The following POU6F2 variants were observed in gnomAD, a reference collection of about 807,000 sequenced individuals.
POU6F2 encodes the protein POU domain, class 6, transcription factor 2.
In POU6F2, 31 loss-of-function variants were observed where a neutral mutation model predicts 71.3. The observed-to-expected ratio is 0.43, with a 90% CI of 0.33 to 0.59. The LOEUF is 0.59. Among genes scored for constraint, POU6F2 ranks in the 20% least tolerant of loss-of-function variants. The pLI is 0.04. For missense variants in POU6F2, 783 were observed against 856.8 expected (o/e 0.91, Z 1.07); for synonymous variants, 347 against 355.7 (o/e 0.98, Z 0.27).
chr7:39,111,641 GCAGA>G (rs1791816407), intron 2 of POU6F2, among the ~76,000 whole-genome samples: 1 of 152,058 alleles, frequency 6.6e-6, no homozygotes, highest in Admixed American at 6.6e-5. Flanking sequence ...AGAGATATAG[GCAGA>G]CAGACAAAAT....
At chr7:39,160,823 G>A (rs543511724) in intron 2 of POU6F2, among the ~76,000 whole-genome samples, 1 of 152,278 alleles carries the variant, frequency 6.6e-6, no homozygotes, top group South Asian at 2.1e-4. Flanking sequence ...GTGCCCACGT[G>A]TTATAATGTC....
intron 4 of POU6F2, among the ~76,000 whole-genome samples, chr7:39,284,956 G>C (rs76708820): frequency 6.6e-6 from 1 of 152,128 alleles, no homozygotes; most frequent in Non-Finnish European, 1.5e-5. Flanking sequence ...CCACAAGAAG[G>C]CTGGAGGCTT....
At chr7:39,367,458 G>C (rs923221714) in intron 5 of POU6F2, among the ~76,000 whole-genome samples, 12 of 152,202 alleles carry the variant, frequency 7.9e-5, no homozygotes, top group African/African-American at 1.2e-4. Context: ...TGATAGATGA[G>C]TTTTCCCAGA....
intron 2 of POU6F2, among the ~76,000 whole-genome samples, chr7:39,122,412 A>G (rs1792060390): frequency 6.6e-6 from 1 of 152,220 alleles, no homozygotes; most frequent in Admixed American, 6.5e-5. Flanking sequence ...CAATTTTCCC[A>G]TCACCTGAAT....
chr7:39,372,132 C>A (rs1371384027), intron 5 of POU6F2, among the ~76,000 whole-genome samples: 1 of 152,114 alleles, frequency 6.6e-6, no homozygotes, highest in Admixed American at 6.5e-5. Context: ...TGTTGCCCAA[C>A]CTTGTCTCAA....
Position 39,321,906 on chromosome 7 carries a change from CAGAG to C in POU6F2, c.599-17728_599-17725del, listed in dbSNP as rs934181287. 5.3e-5 allele frequency among the ~76,000 whole-genome samples: 8 copies of C among 151,298 alleles called. 1 individual carries two copies. The Middle Eastern group carries it at 0.01, about 196-fold the overall frequency. On this transcript the variant is annotated intron_variant, in intron 4 of 9. Coordinates refer to ENST00000518318, the MANE Select transcript of POU6F2 (RefSeq NM_001370959.1). ...TTATATATATATAGAGAGAGAGAGA[CAGAG>C]AGAGAGATAGAGAGAGAGAGAAAAT...
At chr7:39,302,067 G>A (rs1784957558) in intron 4 of POU6F2, among the ~76,000 whole-genome samples, 1 of 152,064 alleles carries the variant, frequency 6.6e-6, no homozygotes, top group Non-Finnish European at 1.5e-5. Flanking sequence ...TGTGAGTTTT[G>A]CATGAGAATG....
chr7:39,050,549 T>A (rs1405876451), intron 1 of POU6F2, among the ~76,000 whole-genome samples: 1 of 152,126 alleles, frequency 6.6e-6, no homozygotes, highest in African/African-American at 2.4e-5. Flanking sequence ...TTTCCCATAT[T>A]TTCCTGCTAA....
rs145737093 is a variant in POU6F2, at chr7:39,338,229, A to G, written c.599-1413A>G. On this transcript the variant is annotated intron_variant, in intron 4 of 9. Coordinates refer to ENST00000518318, the MANE Select transcript of POU6F2 (RefSeq NM_001370959.1). ...GGATCCTCCAGACTGCAGAAGATCT[A>G]GGGAGGTCAGAATAGAGCAGGGCTC... is the stretch of plus-strand genomic sequence containing the variant. Among the ~76,000 whole-genome samples, 823 of 152,334 alleles carry G rather than the reference A, an allele frequency of 5.4e-3. 7 individuals carry two copies. The highest frequency in any genetic ancestry group is 0.017 in the African/African-American group (700 of 41,576).
intron 2 of POU6F2, among the ~76,000 whole-genome samples, chr7:39,180,094 T>G (rs186048887): frequency 6.6e-5 from 10 of 152,264 alleles, no homozygotes; most frequent in African/African-American, 1.9e-4. Flanking sequence ...AATTCTGAGC[T>G]GAGGTTTGAA....
intron 1 of POU6F2, among the ~76,000 whole-genome samples, chr7:39,007,673 C>T (rs1426099897): frequency 6.6e-6 from 1 of 152,144 alleles, no homozygotes; most frequent in Non-Finnish European, 1.5e-5. Context: ...CTATCCCTCC[C>T]CACTCCCCCA....
intron 7 of POU6F2, among the ~76,000 whole-genome samples, chr7:39,451,180 C>A (rs977949159): frequency 2.6e-5 from 4 of 152,074 alleles, no homozygotes; most frequent in Non-Finnish European, 4.4e-5. Flanking sequence ...TATATTTTAT[C>A]TATACTTACT....
chr7:39,431,095 A>G (rs1457699848), intron 6 of POU6F2, among the ~76,000 whole-genome samples: 3 of 152,142 alleles, frequency 2.0e-5, no homozygotes, highest in East Asian at 1.9e-4. Flanking sequence ...CCTTGCCCAC[A>G]CTGATGGGAC....
chr7:39,022,158 T>C (rs964536748), intron 1 of POU6F2, among the ~76,000 whole-genome samples: 4 of 152,106 alleles, frequency 2.6e-5, no homozygotes, highest in Non-Finnish European at 5.9e-5. Flanking sequence ...TCTTTTATGA[T>C]ATTCACTATT....
intron 1 of POU6F2, among the ~76,000 whole-genome samples, chr7:39,062,010 A>T (rs1010921423): frequency 6.6e-6 from 1 of 152,200 alleles, no homozygotes; most frequent in African/African-American, 2.4e-5. Flanking sequence ...CAATTTAAAA[A>T]TTTTTTATAA....
At chr7:39,380,874 G>T (rs141135239) in intron 5 of POU6F2, among the ~76,000 whole-genome samples, 2 of 151,966 alleles carry the variant, frequency 1.3e-5, no homozygotes, top group Non-Finnish European at 2.9e-5. Flanking sequence ...AATTCTACTC[G>T]TGCTCACCCA....
intron 6 of POU6F2, among the ~76,000 whole-genome samples, chr7:39,428,223 GA>G (rs1214491599): frequency 4.6e-5 from 7 of 152,194 alleles, no homozygotes; most frequent in African/African-American, 1.7e-4. Context: ...CTATTTGAAT[GA>G]TTTTTTTTAG....
intron 3 of POU6F2, 30 bp downstream of exon 3, chr7:39,204,356 G>A (rs917613513): frequency 6.4e-7 from 1 of 1,559,724 alleles, no homozygotes; most frequent in Admixed American, 1.7e-5. Context: ...TTTCCACTGG[G>A]CTGCATTTAG....
At chr7:39,375,897 C>A (rs1255515756) in intron 5 of POU6F2, among the ~76,000 whole-genome samples, 1 of 152,118 alleles carries the variant, frequency 6.6e-6, no homozygotes, top group South Asian at 2.1e-4. Flanking sequence ...CTCCCAAACC[C>A]CATCCCTGCC....
Sources: gnomAD v4.1 joint callset for allele counts (sites outside exome capture counted in the v4.1 genomes callset) on GRCh38, gnomAD v4.1.1 for gene constraint, MANE v1.5 for transcripts, NCBI Gene and HGNC (gene_info 2026-07-23, HGNC 2026-07-21) for gene names.